The following PHACTR1 variants were observed in gnomAD, a reference collection of about 807,000 sequenced individuals.
PHACTR1 encodes the protein RPEL repeat containing 1.
Under a neutral mutation model 69.2 loss-of-function variants are expected in PHACTR1, and 16 were observed. That is an observed-to-expected ratio of 0.23 (90% CI 0.16 to 0.35). The LOEUF is 0.35. PHACTR1 is among the 10% of genes least tolerant of loss of function. The pLI is 1.00. For missense variants in PHACTR1, 510 were observed against 734.7 expected, an observed-to-expected ratio of 0.69 and a Z score of 3.54; for synonymous variants, 312 against 284.5, an observed-to-expected ratio of 1.10 and a Z score of -0.97.
intron 6 of PHACTR1, among the ~76,000 whole-genome samples, chr6:13,181,244 G>A (rs1762143297): frequency 6.6e-6 from 1 of 152,126 alleles, no homozygotes; most frequent in Admixed American, 6.5e-5. Flanking sequence ...ATAGATCAGT[G>A]ATTTATAAAA....
chr6:12,957,874 G>A (rs1792100123), intron 4 of PHACTR1: 2 of 985,340 alleles, frequency 2.0e-6, no homozygotes, highest in South Asian at 9.4e-5. Flanking sequence ...GGGGCTGCCT[G>A]GCACCGAGAG....
chr6:13,019,070 A>ATTTTTT (rs10635069), intron 4 of PHACTR1, among the ~76,000 whole-genome samples: 9 of 142,718 alleles, frequency 6.3e-5, no homozygotes, highest in South Asian at 2.2e-4. Context: ...ATATATATAT[A>ATTTTTT]TATATTTTTT....
At chr6:12,792,562 G>T (rs1481031608) in intron 4 of PHACTR1, among the ~76,000 whole-genome samples, 1 of 144,504 alleles carries the variant, frequency 6.9e-6, no homozygotes, top group African/African-American at 2.5e-5. Context: ...AAACTCAAAT[G>T]CAGTGCTATA....
chr6:13,175,441 G>C (rs916820359), intron 6 of PHACTR1, among the ~76,000 whole-genome samples: 4 of 152,146 alleles, frequency 2.6e-5, no homozygotes, highest in Non-Finnish European at 5.9e-5. Flanking sequence ...CTTGTTGAGA[G>C]CTAGTGATGG....
intron 8 of PHACTR1, among the ~76,000 whole-genome samples, chr6:13,209,662 T>C (rs1766502658): frequency 6.6e-6 from 1 of 152,208 alleles, no homozygotes; most frequent in Non-Finnish European, 1.5e-5. Flanking sequence ...TTGAAGACCA[T>C]CCAGGCCACC....
In PHACTR1 at chr6:13,232,739, A is replaced by G. The variant is rs758893214; in HGVS notation, c.1391+2546A>G. On this transcript the variant is annotated intron_variant, in intron 10 of 14. Transcript: ENST00000332995. ...TCTCTCTCAGGTTACATAGAACGAG[A>G]TCTCGGTTCTGAGGGTGGTTGGGGT... 1.7e-4 allele frequency among the ~76,000 whole-genome samples: 26 copies of G among 151,438 alleles called. No individual in the cohort carries two copies. In the South Asian group the frequency reaches 2.1e-3, roughly 12 times the overall value.
intron 4 of PHACTR1, among the ~76,000 whole-genome samples, chr6:12,970,083 A>G (rs1478238551): frequency 1.3e-5 from 2 of 152,238 alleles, no homozygotes; most frequent in Admixed American, 6.5e-5. Context: ...TTCTGCTTTT[A>G]ACTGCGTCCT....
intron 4 of PHACTR1, among the ~76,000 whole-genome samples, chr6:12,949,202 G>A (rs763283659): frequency 1.3e-4 from 20 of 151,084 alleles, no homozygotes; most frequent in Non-Finnish European, 2.4e-4. Flanking sequence ...CCCAGGAGGC[G>A]GAGATTGTGG....
At chr6:12,819,512 A>T (rs1775968284) in intron 4 of PHACTR1, among the ~76,000 whole-genome samples, 1 of 152,070 alleles carries the variant, frequency 6.6e-6, no homozygotes, top group African/African-American at 2.4e-5. Context: ...GTTCTTCTCA[A>T]TGCACCTCTT....
chr6:13,198,421 G>T (rs368912335), intron 7 of PHACTR1, among the ~76,000 whole-genome samples: 1 of 152,282 alleles, frequency 6.6e-6, no homozygotes, highest in East Asian at 1.9e-4. Context: ...AAGAATTATG[G>T]TTACTCTCTG....
At chr6:13,021,152 A>G (rs912038924) in intron 4 of PHACTR1, among the ~76,000 whole-genome samples, 8 of 152,108 alleles carry the variant, frequency 5.3e-5, no homozygotes, top group African/African-American at 1.9e-4. Flanking sequence ...CCCTTAACCT[A>G]TCCATTCATT....
intron 4 of PHACTR1, among the ~76,000 whole-genome samples, chr6:13,013,725 T>A (rs2127650246): frequency 6.6e-6 from 1 of 150,692 alleles, no homozygotes; most frequent in South Asian, 2.1e-4. Flanking sequence ...GTCGGCGAGG[T>A]CAAGACCCTT....
intron 3 of PHACTR1, among the ~76,000 whole-genome samples, chr6:12,744,913 C>T (rs2127590772): frequency 6.6e-6 from 1 of 152,122 alleles, no homozygotes; most frequent in Non-Finnish European, 1.5e-5. Context: ...ACTTCCCTGG[C>T]CAGGACCTCC....
chr6:13,126,811 T>C (rs943770328), intron 5 of PHACTR1, among the ~76,000 whole-genome samples: 3 of 152,254 alleles, frequency 2.0e-5, no homozygotes, highest in Non-Finnish European at 1.5e-5. Flanking sequence ...TCAGGTCTAT[T>C]GGACTACAGA....
intron 4 of PHACTR1, among the ~76,000 whole-genome samples, chr6:12,801,897 G>T (rs1003149200): frequency 6.6e-6 from 1 of 151,972 alleles, no homozygotes; most frequent in African/African-American, 2.4e-5. Context: ...TCAGGAATTA[G>T]GTTTCCGAGG....
chr6:12,833,796 A>G (rs1777853532), intron 4 of PHACTR1, among the ~76,000 whole-genome samples: 1 of 152,104 alleles, frequency 6.6e-6, no homozygotes, highest in Admixed American at 6.6e-5. Context: ...ACTACACTGG[A>G]ATAAAATCCC....
intron 3 of PHACTR1, among the ~76,000 whole-genome samples, chr6:12,736,098 T>C (rs1409443544): frequency 6.6e-6 from 1 of 152,216 alleles, no homozygotes; most frequent in East Asian, 1.9e-4. Flanking sequence ...AAAGTATTCA[T>C]ATGCATAGAA....
intron 4 of PHACTR1, among the ~76,000 whole-genome samples, chr6:12,854,191 T>C (rs1042149785): frequency 1.1e-4 from 16 of 152,292 alleles, no homozygotes; most frequent in African/African-American, 2.9e-4. Context: ...TGAGGGAAAG[T>C]AGCAATGTAC....
intron 5 of PHACTR1, among the ~76,000 whole-genome samples, chr6:13,133,366 G>T (rs1206391050): frequency 2.0e-5 from 3 of 151,152 alleles, no homozygotes; most frequent in South Asian, 2.1e-4. Flanking sequence ...CTGTAATGCC[G>T]CCATCTCGGC....
Sources: allele counts gnomAD v4.1 joint callset (sites outside exome capture counted in the v4.1 genomes callset), GRCh38; gene constraint gnomAD v4.1.1; transcripts MANE v1.5; gene names NCBI Gene and HGNC (gene_info 2026-07-23, HGNC 2026-07-21).